The following LOC128462377 variants were observed in gnomAD, a reference collection of about 807,000 sequenced individuals.
At chr16:89,322,730 C>T in the LOC128462377 span, among the ~76,000 whole-genome samples, 1 of 152,124 alleles carries the variant, frequency 6.6e-6, no homozygotes, top group Non-Finnish European at 1.5e-5. Context: ...TCCTGTGTGG[C>T]ACCAGGGGCT....
the LOC128462377 span, among the ~76,000 whole-genome samples, chr16:89,368,561 A>G: frequency 6.7e-6 from 1 of 149,942 alleles, no homozygotes; most frequent in African/African-American, 2.5e-5. Context: ...CTCTCAATTT[A>G]ATTTCTTGCT....
chr16:89,360,921 A>G, the LOC128462377 span, among the ~76,000 whole-genome samples: 1 of 152,174 alleles, frequency 6.6e-6, no homozygotes, highest in Non-Finnish European at 1.5e-5. Context: ...TTGCCCCTGC[A>G]CTGAGCCTGT....
At chr16:89,410,093 C>T in the LOC128462377 span, among the ~76,000 whole-genome samples, 1 of 152,222 alleles carries the variant, frequency 6.6e-6, no homozygotes, top group African/African-American at 2.4e-5. Flanking sequence ...CCCGCCTCGG[C>T]CTCCCAAAGT....
chr16:89,379,088 G>T, the LOC128462377 span, among the ~76,000 whole-genome samples: 6 of 152,200 alleles, frequency 3.9e-5, no homozygotes, highest in Non-Finnish European at 7.3e-5. Flanking sequence ...CCAGAACGTC[G>T]GCAGTGCGGA....
the LOC128462377 span, among the ~76,000 whole-genome samples, chr16:89,341,148 G>A: frequency 2.6e-5 from 4 of 152,160 alleles, no homozygotes; most frequent in South Asian, 2.1e-4. Flanking sequence ...TTTCCACTGC[G>A]AAAAGCCTGA....
At chr16:89,358,328 C>T in the LOC128462377 span, among the ~76,000 whole-genome samples, 1 of 152,236 alleles carries the variant, frequency 6.6e-6, no homozygotes, top group Non-Finnish European at 1.5e-5. Flanking sequence ...TGCATATTCA[C>T]GGGAGTGAAC....
the LOC128462377 span, chr16:89,392,712 T>G: frequency 6.7e-6 from 1 of 148,316 alleles, no homozygotes; most frequent in African/African-American, 2.5e-5. Context: ...CATGGTTGAG[T>G]TCACAGACAA....
chr16:89,368,371 GTTTTTTTTTTT>G, the LOC128462377 span, among the ~76,000 whole-genome samples: 6 of 56,598 alleles, frequency 1.1e-4, no homozygotes, highest in African/African-American at 1.4e-4. Flanking sequence ...TAATTTTTGT[GTTTTTTTTTTT>G]TTTTTTTTTT....
chr16:89,382,188 T>C, the LOC128462377 span, among the ~76,000 whole-genome samples: 2 of 152,062 alleles, frequency 1.3e-5, no homozygotes, highest in South Asian at 2.1e-4. Flanking sequence ...CCTGGAGCCC[T>C]TGAACCCATC....
chr16:89,394,828 T>A, the LOC128462377 span, among the ~76,000 whole-genome samples: 1 of 152,080 alleles, frequency 6.6e-6, no homozygotes, highest in East Asian at 1.9e-4. Flanking sequence ...GGTTATTGAG[T>A]TATTTTTCAA....
chr16:89,375,337 C>T, the LOC128462377 span, among the ~76,000 whole-genome samples: 3 of 152,338 alleles, frequency 2.0e-5, no homozygotes, highest in African/African-American at 7.2e-5. Context: ...GCCTGGAGTC[C>T]CAGCTACTCA....
chr16:89,370,205 T>G, the LOC128462377 span, among the ~76,000 whole-genome samples: 10 of 152,328 alleles, frequency 6.6e-5, no homozygotes, highest in Admixed American at 1.3e-4. Flanking sequence ...TGGAGCTGCT[T>G]CTTCTCAGGA....
At chr16:89,413,960 C>G in the LOC128462377 span, among the ~76,000 whole-genome samples, 1 of 152,154 alleles carries the variant, frequency 6.6e-6, no homozygotes. Flanking sequence ...GACCCCAGCA[C>G]AGCAACAGCA....
At chr16:89,382,681 T>G in the LOC128462377 span, among the ~76,000 whole-genome samples, 1 of 151,306 alleles carries the variant, frequency 6.6e-6, no homozygotes, top group East Asian at 2.0e-4. Flanking sequence ...GGTCTCACTA[T>G]GTTGCCCAGG....
At chr16:89,350,991 C>T in the LOC128462377 span, among the ~76,000 whole-genome samples, 7 of 152,296 alleles carry the variant, frequency 4.6e-5, no homozygotes, top group African/African-American at 7.2e-5. Flanking sequence ...GATCTGGGTA[C>T]GCACACTCTG....
At chr16:89,402,084 T>A in the LOC128462377 span, among the ~76,000 whole-genome samples, 3 of 152,020 alleles carry the variant, frequency 2.0e-5, no homozygotes, top group Non-Finnish European at 4.4e-5. Flanking sequence ...CCACACCAAG[T>A]TTCACTCTCT....
chr16:89,381,354 A>AAAAAAAAAAAAAAAAAG, the LOC128462377 span, among the ~76,000 whole-genome samples: 5 of 125,336 alleles, frequency 4.0e-5, no homozygotes, highest in African/African-American at 1.6e-4. Flanking sequence ...AAAAAAAAAA[A>AAAAAAAAAAAAAAAAAG]GGGGTGAGAA....
At chr16:89,395,108 G>C in the LOC128462377 span, among the ~76,000 whole-genome samples, 1 of 152,196 alleles carries the variant, frequency 6.6e-6, no homozygotes, top group Non-Finnish European at 1.5e-5. Flanking sequence ...TGAAGCACAG[G>C]ACAAGATGAA....
At chr16:89,376,751 G>A in the LOC128462377 span, among the ~76,000 whole-genome samples, 1 of 152,156 alleles carries the variant, frequency 6.6e-6, no homozygotes, top group Non-Finnish European at 1.5e-5. Context: ...GCCTGAACAG[G>A]TTTTGAATGC....
Sources: allele counts gnomAD v4.1 joint callset (sites outside exome capture counted in the v4.1 genomes callset), GRCh38; gene constraint gnomAD v4.1.1; transcripts MANE v1.5.